ARMH4: variants seen among roughly 807,000 people sequenced by gnomAD.
ARMH4 encodes the protein armadillo-like helical domain-containing protein 4.
ARMH4 carries 49 observed loss-of-function variants against 61.9 expected under a neutral mutation model. The ratio of observed to expected loss-of-function variants is 0.79; its 90% confidence interval spans 0.63 to 1.00. ARMH4 has a LOEUF of 1.00. Among genes scored for constraint, ARMH4 ranks in the 50% least tolerant of loss-of-function variants. ARMH4 has a pLI of 0.00. For synonymous variants in ARMH4, 368 were observed against 341.5 expected, an observed-to-expected ratio of 1.08 and a Z score of -0.85; for missense variants, 934 against 930.0, an observed-to-expected ratio of 1.00 and a Z score of -0.06.
intron 5 of ARMH4, among the ~76,000 whole-genome samples, chr14:58,072,958 A>G (rs140188592): frequency 3.2e-4 from 48 of 152,322 alleles, no homozygotes; most frequent in African/African-American, 1.1e-3. Context: ...ATATCACAGT[A>G]AATTAGGGAC....
At chr14:58,048,863 T>C (rs1441381675) in intron 5 of ARMH4, among the ~76,000 whole-genome samples, 1 of 152,132 alleles carries the variant, frequency 6.6e-6, no homozygotes, top group African/African-American at 2.4e-5. Context: ...CTTTATTTCA[T>C]AAATGGGAAA....
At chr14:58,104,436 A>C (rs1249476263) in intron 4 of ARMH4, among the ~76,000 whole-genome samples, 1 of 152,240 alleles carries the variant, frequency 6.6e-6, no homozygotes, top group African/African-American at 2.4e-5. Flanking sequence ...ATAGAAAAAG[A>C]AAGTTTTGGT....
chr14:58,105,254 T>C (rs1475541779), intron 4 of ARMH4, among the ~76,000 whole-genome samples: 1 of 152,236 alleles, frequency 6.6e-6, no homozygotes, highest in Non-Finnish European at 1.5e-5. Context: ...GCCTGAGTTT[T>C]GCAATTTGTT....
intron 4 of ARMH4, among the ~76,000 whole-genome samples, chr14:58,109,661 T>C (rs1299736041): frequency 6.6e-6 from 1 of 152,264 alleles, no homozygotes; most frequent in African/African-American, 2.4e-5. Context: ...ATCAAAAGTT[T>C]ACTAAGCTGT....
At chr14:58,031,962 A>T (rs1423662565) in intron 5 of ARMH4, among the ~76,000 whole-genome samples, 1 of 152,166 alleles carries the variant, frequency 6.6e-6, no homozygotes, top group Non-Finnish European at 1.5e-5. Flanking sequence ...CTCAGGAAAA[A>T]GTCTGACCTT....
chr14:58,070,606 A>G (rs2141227032), intron 5 of ARMH4, among the ~76,000 whole-genome samples: 1 of 152,234 alleles, frequency 6.6e-6, no homozygotes, highest in East Asian at 1.9e-4. Context: ...AACTGTGTAC[A>G]ATTAGGCCTT....
At position 58,096,924 on chromosome 14, in the gene ARMH4, T is replaced by A. The variant is rs140057603; in HGVS notation, c.1889A>T (p.Asp630Val). 8.9e-5 allele frequency: 143 copies of A among 1,614,060 alleles called. 1 individual carries two copies. In the Middle Eastern group the frequency reaches 4.3e-3, roughly 48 times the overall value. ...DEEDEDEEEE[D>V]EEEDEEDKDA... is the part of the protein sequence containing the mutation. The stretch of plus-strand genomic sequence containing the variant: ...TTTATCTTCCTCATCTTCTTCCTCA[T>A]CTTCCTCTTCTTCATCTTCATCTTC... The change falls in exon 5 of 8, where the codon GAT becomes GTT. Residue 630 changes from aspartate (D) to valine (V), a missense_variant. Transcript: ENST00000267485.
rs536567818 is a variant in ARMH4, at chr14:58,002,364, T to C, written c.*2372A>G. 6.6e-6 allele frequency: 1 copy of C among 152,294 alleles called. No individual in the cohort carries two copies. Among genetic ancestry groups the C allele is most frequent in the East Asian group, 1.9e-4 (1 of 5,184 alleles). 9.4% of individuals were successfully genotyped at this position (152,294 alleles called of 1,614,324 possible). A position where few individuals can be genotyped will look rare whatever the true frequency, so the allele number is the denominator to read the frequency against. ...ACAGAAATGTACTCTAAGTATAATC[T>C]TTTCCTTTAAGAAATCATGTGTCCC... On this transcript the variant is annotated 3_prime_UTR_variant, in exon 8 of 8. Transcript: ENST00000267485.
At chr14:58,147,912 G>A (rs1012021052) in intron 1 of ARMH4, among the ~76,000 whole-genome samples, 1 of 152,030 alleles carries the variant, frequency 6.6e-6, no homozygotes, top group African/African-American at 2.4e-5. Context: ...AGCATATAAT[G>A]TCCCCAAATA....
intron 5 of ARMH4, among the ~76,000 whole-genome samples, chr14:58,080,989 C>A (rs1433512961): frequency 2.0e-5 from 3 of 152,036 alleles, no homozygotes; most frequent in Middle Eastern, 3.4e-3. Context: ...GTAATCCCAG[C>A]TATTTGGGAG....
intron 4 of ARMH4, among the ~76,000 whole-genome samples, chr14:58,112,080 C>A (rs1886371199): frequency 1.3e-5 from 2 of 152,156 alleles, no homozygotes; most frequent in African/African-American, 2.4e-5. Context: ...CCCTTACAGA[C>A]CCTGTCTCCA....
chr14:58,054,189 G>A (rs561312092), intron 5 of ARMH4, among the ~76,000 whole-genome samples: 1 of 152,296 alleles, frequency 6.6e-6, no homozygotes, highest in South Asian at 2.1e-4. Flanking sequence ...GCACATGAGT[G>A]ATGGCAAGGA....
Position 58,131,702 on chromosome 14 carries a change from T to A in ARMH4, c.1641A>T (p.Thr547=), listed in dbSNP as rs776080070. The change falls in exon 4 of 8, where the codon ACA becomes ACT. Residue 547 remains threonine (T), a synonymous_variant. Transcript: ENST00000267485. ...PTVEEQMDTV[T]GPNEEFTPVL... ...CTGGTGTGAACTCCTCATTTGGCCCTGTGACTGTGTCCATTTGTTCTGCCA... is the reference window on the plus strand; with the variant it reads ...CTGGTGTGAACTCCTCATTTGGCCCAGTGACTGTGTCCATTTGTTCTGCCA... 5.6e-6 allele frequency: 9 copies of A among 1,612,942 alleles called. No individual in the cohort carries two copies. Among genetic ancestry groups the A allele is most frequent in the African/African-American group, 1.3e-5 (1 of 74,912 alleles).
intron 4 of ARMH4, among the ~76,000 whole-genome samples, chr14:58,114,701 T>C (rs1886463739): frequency 6.6e-6 from 1 of 152,162 alleles, no homozygotes; most frequent in South Asian, 2.1e-4. Flanking sequence ...AGAGAATCTG[T>C]AATCTGGGTA....
chr14:58,118,237 G>A (rs1886596348), intron 4 of ARMH4, among the ~76,000 whole-genome samples: 1 of 152,142 alleles, frequency 6.6e-6, no homozygotes, highest in South Asian at 2.1e-4. Flanking sequence ...TTTATCATAT[G>A]GGTGTATTTC....
At chr14:58,076,160 G>A (rs1366414847) in intron 5 of ARMH4, among the ~76,000 whole-genome samples, 3 of 151,616 alleles carry the variant, frequency 2.0e-5, no homozygotes, top group Non-Finnish European at 2.9e-5. Flanking sequence ...TATTTTTGTC[G>A]TTGTTGAAGA....
chr14:58,072,577 C>A (rs1171011878), intron 5 of ARMH4, among the ~76,000 whole-genome samples: 4 of 151,932 alleles, frequency 2.6e-5, no homozygotes, highest in Non-Finnish European at 4.4e-5. Flanking sequence ...AAAAAATTAG[C>A]CGGGTGTGGT....
At chr14:58,060,854 A>G (rs771939545) in intron 5 of ARMH4, among the ~76,000 whole-genome samples, 7 of 152,182 alleles carry the variant, frequency 4.6e-5, no homozygotes, top group East Asian at 1.9e-4. Context: ...CAGATTCCCA[A>G]ACTGCCTCTG....
chr14:58,133,418 A>C, intron 2 of ARMH4, 77 bp from the exon 3 acceptor site: 131 of 1,318,542 alleles, frequency 9.9e-5, no homozygotes, highest in East Asian at 2.1e-4. Flanking sequence ...TATGATTAAA[A>C]ACTTGGGGGG....
Sources: gnomAD v4.1 joint callset for allele counts (sites outside exome capture counted in the v4.1 genomes callset) on GRCh38, gnomAD v4.1.1 for gene constraint, MANE v1.5 for transcripts, NCBI Gene and HGNC (gene_info 2026-07-23, HGNC 2026-07-21) for gene names.